RP1: variants seen among roughly 807,000 people sequenced by gnomAD.
The protein encoded by RP1 is oxygen-regulated protein 1.
In RP1, 16 loss-of-function variants were observed where a neutral mutation model predicts 14.8. That is an observed-to-expected ratio of 1.08 (90% CI 0.73 to 1.65). RP1 has a LOEUF of 1.65. Among genes scored for constraint, RP1 ranks in the 40% most tolerant of loss-of-function variants. The pLI, the probability that RP1 is intolerant of heterozygous loss-of-function variation, is 0.00. For missense variants in RP1, 2,631 were observed against 2,535.0 expected (o/e 1.04, Z -0.81); for synonymous variants, 876 against 883.6 (o/e 0.99, Z 0.15).
intron 22 of RP1, among the ~76,000 whole-genome samples, chr8:54,768,753 C>T (rs910743463): frequency 7.2e-5 from 11 of 152,128 alleles, no homozygotes; most frequent in Admixed American, 3.9e-4. Flanking sequence ...TTTCTGAGTC[C>T]AATCTTGACC....
intron 17 of RP1, among the ~76,000 whole-genome samples, chr8:54,727,057 G>C (rs1279649551): frequency 6.6e-6 from 1 of 151,998 alleles, no homozygotes; most frequent in African/African-American, 2.4e-5. Flanking sequence ...ATCTCTGGGG[G>C]ACCATTTTTT....
chr8:54,732,532 T>G (rs1215988216), intron 17 of RP1, among the ~76,000 whole-genome samples: 1 of 152,158 alleles, frequency 6.6e-6, no homozygotes, highest in African/African-American at 2.4e-5. Context: ...TTTCTTTAGT[T>G]GAGTGAAAGT....
chr8:54,847,803 T>C (rs1219005033), intron 25 of RP1, among the ~76,000 whole-genome samples: 1 of 152,230 alleles, frequency 6.6e-6, no homozygotes, highest in African/African-American at 2.4e-5. Flanking sequence ...TGGGGCAGTG[T>C]GTGTGGGGTC....
At chr8:54,817,823 T>G (rs1242434835) in intron 24 of RP1, among the ~76,000 whole-genome samples, 2 of 152,222 alleles carry the variant, frequency 1.3e-5, no homozygotes, top group Non-Finnish European at 2.9e-5. Context: ...AAAAATAATA[T>G]GTACTCTTCA....
intron 12 of RP1, chr8:54,680,047 C>A (rs1160629108): frequency 1.5e-6 from 2 of 1,349,402 alleles, no homozygotes; most frequent in Non-Finnish European, 1.9e-6. Context: ...TGGCTTTACA[C>A]AAGTGTTAGG....
At chr8:54,715,539 A>G (rs1257727356) in intron 15 of RP1, among the ~76,000 whole-genome samples, 2 of 152,216 alleles carry the variant, frequency 1.3e-5, no homozygotes. Flanking sequence ...CGCATACCAC[A>G]TTGATCTGGA....
At chr8:54,612,532 C>A (rs1805623082), upstream of RP1, among the ~76,000 whole-genome samples, 1 of 152,184 alleles carries the variant, frequency 6.6e-6, no homozygotes, top group African/African-American at 2.4e-5. Flanking sequence ...CAATTTTTGT[C>A]CAAGTGGGGA....
chr8:54,806,830 A>T (rs1329792329), intron 24 of RP1, among the ~76,000 whole-genome samples: 1 of 152,184 alleles, frequency 6.6e-6, no homozygotes, highest in Non-Finnish European at 1.5e-5. Context: ...GGGGAGATGG[A>T]TAATTATCTT....
At chr8:54,673,814 A>G (rs1807234299) in intron 7 of RP1, 1 of 1,440,966 alleles carries the variant, frequency 6.9e-7, no homozygotes, top group African/African-American at 1.4e-5. Context: ...TCAGAGTTAT[A>G]GTCTAGATCT....
chr8:54,739,063 A>G, intron 19 of RP1: 1 of 1,434,088 alleles, frequency 7.0e-7, no homozygotes, highest in Non-Finnish European at 9.4e-7. Flanking sequence ...CTTCATAGTT[A>G]TTCTCTGATG....
At chr8:54,604,226 T>C (rs1392163237) in intron 1 of RP1, among the ~76,000 whole-genome samples, 1 of 152,198 alleles carries the variant, frequency 6.6e-6, no homozygotes, top group African/African-American at 2.4e-5. Flanking sequence ...ATACCTAATT[T>C]ATTGAGAGTT....
At chr8:54,787,869 C>T (rs1810363147) in intron 24 of RP1, among the ~76,000 whole-genome samples, 2 of 152,180 alleles carry the variant, frequency 1.3e-5, no homozygotes, top group African/African-American at 4.8e-5. Flanking sequence ...ATTTGACCTC[C>T]AACTCTGCTC....
chr8:54,844,515 C>T (rs769507613), intron 25 of RP1, among the ~76,000 whole-genome samples: 6 of 151,644 alleles, frequency 4.0e-5, no homozygotes, highest in South Asian at 2.1e-4. Flanking sequence ...TCTGTGTGTG[C>T]GTATGTGTGT....
intron 1 of RP1, among the ~76,000 whole-genome samples, chr8:54,568,807 A>C (rs1804462768): frequency 6.6e-6 from 1 of 152,216 alleles, no homozygotes; most frequent in South Asian, 2.1e-4. Flanking sequence ...ACCACAGGGG[A>C]CAAAATCTGG....
chr8:54,617,383 C>T (rs1474195638), intron 1 of RP1, among the ~76,000 whole-genome samples: 2 of 152,204 alleles, frequency 1.3e-5, no homozygotes, highest in African/African-American at 4.8e-5. Flanking sequence ...AGATACATTG[C>T]TAAATTTCCA....
At chr8:54,765,910 G>C (rs944171246) in intron 22 of RP1, among the ~76,000 whole-genome samples, 4 of 152,088 alleles carry the variant, frequency 2.6e-5, no homozygotes, top group African/African-American at 9.7e-5. Context: ...TGCTTCTTAA[G>C]GGTAGTGTCT....
At chr8:54,750,164 C>A (rs1001787664) in intron 19 of RP1, among the ~76,000 whole-genome samples, 1 of 152,118 alleles carries the variant, frequency 6.6e-6, no homozygotes. Flanking sequence ...GAGTGAGGAA[C>A]CACAATCCCA....
At chr8:54,561,397 G>A (rs1215191534) in intron 1 of RP1, among the ~76,000 whole-genome samples, 2 of 152,096 alleles carry the variant, frequency 1.3e-5, no homozygotes, top group Admixed American at 1.3e-4. Flanking sequence ...ACAGCAATAG[G>A]TGTTTAGTTT....
intron 12 of RP1, among the ~76,000 whole-genome samples, chr8:54,692,703 G>A (rs1807744824): frequency 6.8e-6 from 1 of 146,506 alleles, no homozygotes; most frequent in South Asian, 2.3e-4. Context: ...GTTCATTGTA[G>A]ATTCTGGATA....
Sources: allele counts gnomAD v4.1 joint callset (sites outside exome capture counted in the v4.1 genomes callset), GRCh38; gene constraint gnomAD v4.1.1; transcripts MANE v1.5; gene names NCBI Gene and HGNC (gene_info 2026-07-23, HGNC 2026-07-21).